Variants in VWF observed in about 807,000 individuals in gnomAD.
The protein encoded by VWF is Factor VIII related antigen.
VWF carries 176 observed loss-of-function variants against 308.6 expected under a neutral mutation model. The observed-to-expected ratio is 0.57, with a 90% confidence interval of 0.50 to 0.65. The LOEUF (loss-of-function observed/expected upper bound fraction) is 0.65. VWF is among the 30% of genes least tolerant of loss of function. VWF has a pLI of 0.00. For missense variants in VWF, 3,146 were observed against 3,648.2 expected (o/e 0.86, Z 3.55); for synonymous variants, 1,385 against 1,443.4 (o/e 0.96, Z 0.92).
At chr12:6,069,669 C>G (rs995411757) in intron 10 of VWF, among the ~76,000 whole-genome samples, 2 of 152,132 alleles carry the variant, frequency 1.3e-5, no homozygotes, top group African/African-American at 4.8e-5. Context: ...ATGGTCAGAG[C>G]CAGGGCTTTG....
Position 5,952,184 on chromosome 12 carries a change from G to C in VWF, c.8115+207C>G, listed in dbSNP as rs76236422. The C allele has an allele frequency of 1.5e-3, 1,137 of 757,866 alleles. 12 individuals carry two copies. The African/African-American group carries it at 0.018, about 12-fold the overall frequency. The allele number at this position is 757,866 out of a possible 1,614,324, so 46.9% of individuals were successfully genotyped here. ...GAATCACACACTCAGCCTCCCTTAA[G>C]GAAAATATTTTTTTAAAACATCCTA... On this transcript the variant is annotated intron_variant, in intron 49 of 51. Transcript: ENST00000261405.
intron 15 of VWF, among the ~76,000 whole-genome samples, chr12:6,055,406 G>A (rs1944565092): frequency 1.3e-5 from 2 of 152,194 alleles, no homozygotes; most frequent in Admixed American, 6.5e-5. Context: ...GTTACGTGAA[G>A]GGTTCAAGGT....
intron 29 of VWF, 30 bp from the exon 30 acceptor site, chr12:6,016,686 T>G: frequency 6.2e-7 from 1 of 1,614,210 alleles, no homozygotes; most frequent in Non-Finnish European, 8.5e-7. Context: ...GCGGATTATT[T>G]TGAATCAAGT....
Position 5,983,251 on chromosome 12 carries a change from C to T in VWF, c.6980G>A (p.Cys2327Tyr), listed in dbSNP as rs764980510. Residue 2327 changes from cysteine to tyrosine, a missense_variant, in exon 41 of 52, where the codon TGT becomes TAT. By Grantham distance (194) the Cys-to-Tyr change is radical. Coordinates refer to ENST00000261405, the MANE Select transcript of VWF (RefSeq NM_000552.5). Reference protein sequence around the residue: ...DQCCPEYECVCDPVSCDLPPV... With the variant: ...DQCCPEYECVYDPVSCDLPPV... ...GGGCAGGTCACAGCTCACTGGGTCA[C>T]ACACTGAGGGCCAGAAAGAGAGACG... 4 of 1,613,886 alleles carry T rather than the reference C, an allele frequency of 2.5e-6. No homozygotes were observed. The highest frequency in any genetic ancestry group is 3.4e-6 in the Non-Finnish European group (4 of 1,179,950).
In VWF at chr12:5,958,103, TA is replaced by T. The variant is rs1943270236; in HGVS notation, c.7888-4510del. Among the ~76,000 whole-genome samples, 4 of 149,344 alleles carry T rather than the reference TA, an allele frequency of 2.7e-5. No individual in the cohort carries two copies. The South Asian group carries it at 6.3e-4, about 24-fold the overall frequency. On this transcript the variant is annotated intron_variant, in intron 47 of 51. Transcript: ENST00000261405. The stretch of plus-strand genomic sequence containing the variant: ...AAAGGCCAATAAAGAGATATAGTAC[TA>T]AAAAAAAGAAAAAAAAGAAAAACTC...
chr12:5,964,222 A>ACATACATACATACATG (rs1943356107), intron 47 of VWF, among the ~76,000 whole-genome samples: 1 of 116,678 alleles, frequency 8.6e-6, no homozygotes, highest in Non-Finnish European at 1.7e-5. Context: ...GTCTAAAAAT[A>ACATACATACATACATG]CATACATACA....
chr12:5,994,003 C>A lies in VWF; in HGVS notation c.6457G>T (p.Val2153Phe), dbSNP rs1461260333. 3 of 1,614,046 alleles carry A rather than the reference C, an allele frequency of 1.9e-6. No individual in the cohort carries two copies. Among genetic ancestry groups the A allele is most frequent in the Non-Finnish European group, 1.7e-6 (2 of 1,180,052 alleles). Reference sequence around the variant, plus strand: ...GCATAGAATGTGGCTGGAGCCAGGACCTTGTGGCATTCAGCAAACAGTGGT... The same window carrying A: ...GCATAGAATGTGGCTGGAGCCAGGAACTTGTGGCATTCAGCAAACAGTGGT... Reference protein sequence around the residue: ...LLPLFAECHKVLAPATFYAIC... With the variant: ...LLPLFAECHKFLAPATFYAIC... The change falls in exon 37 of 52, where the codon GTC (valine) becomes TTC (phenylalanine). Residue 2153 changes from valine (V) to phenylalanine (F), a missense_variant. Physicochemically the swap from Val to Phe is conservative, Grantham distance 50. Coordinates refer to ENST00000261405, the MANE Select transcript of VWF (RefSeq NM_000552.5).
chr12:6,030,133 G>C (rs768584974), intron 21 of VWF, among the ~76,000 whole-genome samples: 1 of 152,204 alleles, frequency 6.6e-6, no homozygotes. Context: ...CAATTCATCA[G>C]ACTGAGGCTG....
At chr12:5,970,746 G>A (rs1173889534) in intron 44 of VWF, among the ~76,000 whole-genome samples, 2 of 152,164 alleles carry the variant, frequency 1.3e-5, no homozygotes, top group African/African-American at 4.8e-5. Flanking sequence ...GCAGACCTTT[G>A]GCCTTCCTCT....
chr12:6,111,716 T>C (rs574966199), intron 3 of VWF, among the ~76,000 whole-genome samples: 1 of 151,088 alleles, frequency 6.6e-6, no homozygotes, highest in African/African-American at 2.5e-5. Context: ...TTTGGGAGGC[T>C]GAGGCGGGTG....
At chr12:6,056,527 C>G (rs188198555) in intron 15 of VWF, among the ~76,000 whole-genome samples, 1 of 152,268 alleles carries the variant, frequency 6.6e-6, no homozygotes, top group Admixed American at 6.5e-5. Context: ...CGCTCCACAG[C>G]CTGACCTTCT....
At chr12:6,008,615 A>C (rs1170772475) in intron 34 of VWF, among the ~76,000 whole-genome samples, 2 of 152,214 alleles carry the variant, frequency 1.3e-5, no homozygotes, top group Non-Finnish European at 2.9e-5. Context: ...GGAAGACGGC[A>C]AAGATGCCCA....
rs183528001 is a variant in VWF at position 6,061,188 on chromosome 12, G to A, written c.1533+1766C>T. On this transcript the variant is annotated intron_variant, in intron 13 of 51. Transcript: ENST00000261405. ...TGCCCTCCAGCCTGGGCAACAGAGT[G>A]AGACCCTCTCTCAAAAAACAAAACA... 9.5e-4 allele frequency among the ~76,000 whole-genome samples: 145 copies of A among 152,222 alleles called. 1 individual carries two copies. The highest frequency in any genetic ancestry group is 3.4e-3 in the African/African-American group (140 of 41,528).
intron 10 of VWF, among the ~76,000 whole-genome samples, chr12:6,069,224 T>C (rs1232561131): frequency 6.6e-6 from 1 of 152,008 alleles, no homozygotes; most frequent in Non-Finnish European, 1.5e-5. Flanking sequence ...CTCATTATTA[T>C]CCCCAGTTTA....
intron 39 of VWF, among the ~76,000 whole-genome samples, 193 bp downstream of exon 39, chr12:5,985,370 C>T (rs1194709460): frequency 6.6e-6 from 1 of 152,140 alleles, no homozygotes; most frequent in Non-Finnish European, 1.5e-5. Flanking sequence ...CTGAGAATGT[C>T]GACCCCAGGT....
intron 6 of VWF, among the ~76,000 whole-genome samples, chr12:6,081,363 C>T (rs2005829): frequency 0.14 from 21,806 of 151,672 alleles, 2,007 homozygotes; most frequent in East Asian, 0.45. Context: ...TGTTTTGAGA[C>T]AGAGTCTCGC....
chr12:6,034,786 A>G lies in VWF; in HGVS notation c.2587T>C (p.Cys863Arg). 6.2e-7 allele frequency: 1 copy of G among 1,614,232 alleles called. No homozygotes were observed. The highest frequency in any genetic ancestry group is 8.5e-7 in the Non-Finnish European group (1 of 1,180,040). Reference protein sequence around the residue: ...DRKWNCTDHVCDATCSTIGMA... With the variant: ...DRKWNCTDHVRDATCSTIGMA... ...CCGATCGTGGAGCACGTGGCATCAC[A>G]CACATGGTCTGTGCAGTTCCACTTC... Residue 863 changes from cysteine (C) to arginine (R), a missense_variant, in exon 20 of 52, where the codon TGT becomes CGT. Physicochemically the swap from Cys to Arg is radical, Grantham distance 180. Coordinates refer to ENST00000261405, the MANE Select transcript of VWF (RefSeq NM_000552.5).
chr12:6,092,598 C>CTAGT (rs796796373), intron 6 of VWF, among the ~76,000 whole-genome samples: 7,608 of 64,940 alleles, frequency 0.12, 1,207 homozygotes, highest in African/African-American at 0.39. Context: ...CCATGCCCAG[C>CTAGT]TAGTTAGTGA....
chr12:6,082,754 T>A (rs1274531694), intron 6 of VWF, among the ~76,000 whole-genome samples: 1 of 152,256 alleles, frequency 6.6e-6, no homozygotes, highest in African/African-American at 2.4e-5. Flanking sequence ...CTGAGCCTGT[T>A]CTGATTCGGG....
Sources: gnomAD v4.1 joint callset for allele counts (sites outside exome capture counted in the v4.1 genomes callset) on GRCh38, gnomAD v4.1.1 for gene constraint, MANE v1.5 for transcripts, NCBI Gene and HGNC (gene_info 2026-07-23, HGNC 2026-07-21) for gene names.